The following HS2ST1 variants were observed in gnomAD, a reference collection of about 807,000 sequenced individuals.
HS2ST1 encodes heparan sulfate 2-O-sulfotransferase 1.
HS2ST1 carries 18 observed loss-of-function variants against 42.9 expected under a neutral mutation model. The observed-to-expected ratio is 0.42, with a 90% confidence interval of 0.29 to 0.62. The LOEUF (loss-of-function observed/expected upper bound fraction) is 0.62, where lower values mean the gene tolerates loss of function less well. Among genes scored for constraint, HS2ST1 ranks in the 20% least tolerant of loss-of-function variants. HS2ST1 has a pLI of 0.21. For synonymous variants in HS2ST1, 146 were observed against 152.9 expected (o/e 0.95, Z 0.33); for missense variants, 334 against 433.8 (o/e 0.77, Z 2.04).
intron 2 of HS2ST1, among the ~76,000 whole-genome samples, chr1:87,080,678 AAC>A (rs1193806931): frequency 3.3e-5 from 5 of 152,174 alleles, no homozygotes; most frequent in South Asian, 2.1e-4. Flanking sequence ...GAGGATAGGA[AAC>A]ACAGTCTTAT....
intron 1 of HS2ST1, among the ~76,000 whole-genome samples, chr1:87,048,663 C>G (rs369652617): frequency 1.3e-5 from 2 of 151,634 alleles, no homozygotes. Context: ...AGATTTTTAT[C>G]ATGCTTCTAG....
In HS2ST1 at chr1:86,963,744, GCC is replaced by G. The variant is rs370405012; in HGVS notation, c.124+48594_124+48595del. ...CCAGAAGGGGCGGCCAGGCAGAGGC[GCC>G]CCCCCCCCCACCTCCCGGACGGGGC... On this transcript the variant is annotated intron_variant, in intron 1 of 6. Transcript: ENST00000370550. 8.6e-4 allele frequency among the ~76,000 whole-genome samples: 109 copies of G among 127,200 alleles called. 2 individuals carry two copies. The highest frequency in any genetic ancestry group is 1.6e-3 in the Admixed American group (22 of 13,374). 83.4% of individuals were successfully genotyped at this position (127,200 alleles called of 152,430 possible). A position where few individuals can be genotyped will look rare whatever the true frequency, so the allele number is the denominator to read the frequency against.
At chr1:86,971,087 C>T (rs1358079468) in intron 1 of HS2ST1, among the ~76,000 whole-genome samples, 6 of 152,066 alleles carry the variant, frequency 3.9e-5, no homozygotes, top group African/African-American at 1.5e-4. Context: ...TTTATTAGTT[C>T]ATTCAGTCAG....
At chr1:87,047,424 A>G (rs1479073844) in intron 1 of HS2ST1, among the ~76,000 whole-genome samples, 2 of 152,120 alleles carry the variant, frequency 1.3e-5, no homozygotes, top group Non-Finnish European at 2.9e-5. Flanking sequence ...ATTTCAGTGA[A>G]GTCCACTATA....
chr1:87,087,710 A>G lies in HS2ST1; in HGVS notation c.449+3431A>G, dbSNP rs546073235. On this transcript the variant is annotated intron_variant, in intron 3 of 6. Coordinates refer to ENST00000370550, the MANE Select transcript of HS2ST1 (RefSeq NM_012262.4). ...AGTTGACGTTTGCCCCATTTTCTAC[A>G]ACTTTTAACAAATATGTCACAACAT... is the stretch of plus-strand genomic sequence containing the variant. Among the ~76,000 whole-genome samples the G allele has an allele frequency of 2.0e-5, 3 of 152,264 alleles. No individual in the cohort carries two copies. In the South Asian group the frequency reaches 6.2e-4, roughly 32 times the overall value.
At chr1:87,093,534 C>T (rs1651994435) in intron 4 of HS2ST1, among the ~76,000 whole-genome samples, 1 of 152,056 alleles carries the variant, frequency 6.6e-6, no homozygotes, top group Admixed American at 6.6e-5. Context: ...TCCCAGAGCA[C>T]TTCATTCAAA....
intron 5 of HS2ST1, among the ~76,000 whole-genome samples, chr1:87,101,729 A>T (rs1293125491): frequency 6.6e-6 from 1 of 152,092 alleles, no homozygotes; most frequent in Admixed American, 6.5e-5. Context: ...AATTCTTCCA[A>T]CCGCTGCCCA....
chr1:86,951,335 C>T (rs1553132322), intron 1 of HS2ST1, among the ~76,000 whole-genome samples: 1 of 152,152 alleles, frequency 6.6e-6, no homozygotes, highest in Non-Finnish European at 1.5e-5. Flanking sequence ...GTTATAAAAA[C>T]AGGCGTATCT....
chr1:86,915,480 G>C (rs1660127825), intron 1 of HS2ST1, among the ~76,000 whole-genome samples: 1 of 152,192 alleles, frequency 6.6e-6, no homozygotes, highest in Non-Finnish European at 1.5e-5. Flanking sequence ...AGCGTGTGTT[G>C]CTGGTCTCCG....
chr1:87,046,662 A>C (rs1650676495), intron 1 of HS2ST1: 1 of 1,507,262 alleles, frequency 6.6e-7, no homozygotes, highest in Non-Finnish European at 8.9e-7. Flanking sequence ...AATGAACCCC[A>C]GTTAGGCCTG....
chr1:86,989,049 CCCTT>C (rs1648871704), intron 1 of HS2ST1, among the ~76,000 whole-genome samples: 3 of 152,196 alleles, frequency 2.0e-5, no homozygotes, highest in African/African-American at 7.2e-5. Flanking sequence ...ACTCAGTCCT[CCCTT>C]TCTTTCTGGT....
chr1:86,994,469 T>C (rs1387861262), intron 1 of HS2ST1, among the ~76,000 whole-genome samples: 1 of 152,192 alleles, frequency 6.6e-6, no homozygotes, highest in Non-Finnish European at 1.5e-5. Context: ...CCTCTGAGTG[T>C]AGGCCAATTC....
intron 1 of HS2ST1, among the ~76,000 whole-genome samples, chr1:87,038,465 A>G (rs556564065): frequency 1.3e-5 from 2 of 152,174 alleles, no homozygotes; most frequent in East Asian, 3.8e-4. Flanking sequence ...TAAATGTCAA[A>G]TGGAAATTCA....
Position 86,974,707 on chromosome 1 carries a change from G to A in HS2ST1, c.124+59547G>A, listed in dbSNP as rs144407516. ...ATTGTAGGACAGTCAGTTGGTGACTGCAGAGAATTGGAGCATTGCTTGGTA... is the reference window on the plus strand; with the variant it reads ...ATTGTAGGACAGTCAGTTGGTGACTACAGAGAATTGGAGCATTGCTTGGTA... On this transcript the variant is annotated intron_variant, in intron 1 of 6. Coordinates refer to ENST00000370550, the MANE Select transcript of HS2ST1 (RefSeq NM_012262.4). 4.6e-3 allele frequency among the ~76,000 whole-genome samples: 697 copies of A among 152,294 alleles called. 4 individuals are homozygous for A. The highest frequency in any genetic ancestry group is 0.02 in the Middle Eastern group (6 of 294).
intron 1 of HS2ST1, among the ~76,000 whole-genome samples, chr1:86,923,797 A>G (rs1391289444): frequency 6.6e-6 from 1 of 152,154 alleles, no homozygotes; most frequent in African/African-American, 2.4e-5. Flanking sequence ...ACCTCCCACC[A>G]GGTCCCTCCC....
chr1:87,021,784 G>A (rs1214911878), intron 1 of HS2ST1, among the ~76,000 whole-genome samples: 1 of 152,130 alleles, frequency 6.6e-6, no homozygotes, highest in Non-Finnish European at 1.5e-5. Context: ...CCAAAGTGCT[G>A]AGATTATAGG....
At chr1:87,021,199 T>A (rs1649940085) in intron 1 of HS2ST1, among the ~76,000 whole-genome samples, 1 of 152,174 alleles carries the variant, frequency 6.6e-6, no homozygotes, top group Non-Finnish European at 1.5e-5. Flanking sequence ...TGTTTCTCAC[T>A]CCCAGAATAC....
chr1:86,974,713 A>G (rs1426559296), intron 1 of HS2ST1, among the ~76,000 whole-genome samples: 2 of 152,112 alleles, frequency 1.3e-5, no homozygotes, highest in Non-Finnish European at 2.9e-5. Flanking sequence ...GACTGCAGAG[A>G]ATTGGAGCAT....
intron 1 of HS2ST1, among the ~76,000 whole-genome samples, chr1:86,972,611 T>A (rs540393703): frequency 1.3e-5 from 2 of 152,280 alleles, no homozygotes; most frequent in African/African-American, 2.4e-5. Context: ...ACATATGTAG[T>A]GTTCAATATT....
Sources: allele counts gnomAD v4.1 joint callset (sites outside exome capture counted in the v4.1 genomes callset), GRCh38; gene constraint gnomAD v4.1.1; transcripts MANE v1.5; gene names NCBI Gene and HGNC (gene_info 2026-07-23, HGNC 2026-07-21).